The following RBMS3 variants were observed in gnomAD, a reference collection of about 807,000 sequenced individuals.
The protein encoded by RBMS3 is RNA-binding motif, single-stranded-interacting protein 3.
In RBMS3, 27 loss-of-function variants were observed where a neutral mutation model predicts 66.8. The observed-to-expected ratio is 0.40, with a 90% CI of 0.30 to 0.56. RBMS3 has a LOEUF of 0.56. RBMS3 is among the 20% of genes least tolerant of loss of function. The pLI, the probability that RBMS3 is intolerant of heterozygous loss-of-function variation, is 0.40. For missense variants in RBMS3, 513 were observed against 549.5 expected, an observed-to-expected ratio of 0.93 and a Z score of 0.66; for synonymous variants, 188 against 183.0, an observed-to-expected ratio of 1.03 and a Z score of -0.22.
intron 3 of RBMS3, among the ~76,000 whole-genome samples, chr3:29,516,340 G>A (rs375241044): frequency 6.6e-6 from 1 of 152,182 alleles, no homozygotes; most frequent in South Asian, 2.1e-4. Context: ...AGGAGATGAC[G>A]ATCTGAGTGT....
chr3:29,998,825 A>C (rs1577357106), intron 14 of RBMS3, among the ~76,000 whole-genome samples: 1 of 152,344 alleles, frequency 6.6e-6, no homozygotes, highest in African/African-American at 2.4e-5. Context: ...CTCTAGAAGA[A>C]AACCTGGGCA....
intron 1 of RBMS3, among the ~76,000 whole-genome samples, chr3:29,345,610 C>T (rs1161812040): frequency 2.6e-5 from 4 of 152,156 alleles, no homozygotes; most frequent in Non-Finnish European, 5.9e-5. Flanking sequence ...ATTTTACTTG[C>T]CTTGCATGTA....
intron 6 of RBMS3, among the ~76,000 whole-genome samples, chr3:29,820,392 G>A (rs534901974): frequency 3.3e-5 from 5 of 151,634 alleles, no homozygotes; most frequent in African/African-American, 1.2e-4. Context: ...TGATAGATTT[G>A]ATCTATTAAT....
chr3:29,980,743 G>A (rs1018687989), intron 12 of RBMS3, among the ~76,000 whole-genome samples: 6 of 152,114 alleles, frequency 3.9e-5, no homozygotes, highest in African/African-American at 9.7e-5. Context: ...GATGGTTGTA[G>A]ATGTATGGCA....
At chr3:29,901,145 A>T (rs1392196258) in intron 10 of RBMS3, among the ~76,000 whole-genome samples, 1 of 151,730 alleles carries the variant, frequency 6.6e-6, no homozygotes, top group African/African-American at 2.4e-5. Flanking sequence ...TCTATGTTCT[A>T]TAAATCATAC....
intron 4 of RBMS3, among the ~76,000 whole-genome samples, chr3:29,608,671 G>T (rs2048391811): frequency 6.6e-6 from 1 of 151,982 alleles, no homozygotes; most frequent in African/African-American, 2.4e-5. Flanking sequence ...GATGAGAGAA[G>T]AATATAGTCA....
In RBMS3 at chr3:29,470,372, T is replaced by C. The variant is rs146185846; in HGVS notation, c.249-18069T>C. On this transcript the variant is annotated intron_variant, in intron 2 of 14. Coordinates refer to ENST00000383767, the MANE Select transcript of RBMS3 (RefSeq NM_001003793.3). Reference sequence around the variant, plus strand: ...ACTCAAAAGAAGTCTTCAGAAGACATGTCACTTCTTACATGTAGTGAATGA... The same window carrying C: ...ACTCAAAAGAAGTCTTCAGAAGACACGTCACTTCTTACATGTAGTGAATGA... Among the ~76,000 whole-genome samples the C allele has an allele frequency of 4.9e-3, 742 of 152,160 alleles. 5 individuals carry two copies. The highest frequency in any genetic ancestry group is 0.017 in the African/African-American group (714 of 41,568).
chr3:29,476,689 T>C (rs907973643), intron 2 of RBMS3, among the ~76,000 whole-genome samples: 1 of 152,200 alleles, frequency 6.6e-6, no homozygotes, highest in Non-Finnish European at 1.5e-5. Flanking sequence ...AAAACAGAGT[T>C]ATTTTGAATT....
intron 1 of RBMS3, among the ~76,000 whole-genome samples, chr3:29,323,567 G>A (rs1156251432): frequency 6.6e-6 from 1 of 151,936 alleles, no homozygotes; most frequent in Non-Finnish European, 1.5e-5. Context: ...AAAATTAACA[G>A]TAGAAAGAAA....
intron 12 of RBMS3, among the ~76,000 whole-genome samples, chr3:29,944,836 C>CA (rs992983175): frequency 6.6e-6 from 1 of 151,622 alleles, no homozygotes; most frequent in Admixed American, 6.6e-5. Flanking sequence ...TCTATTTATA[C>CA]AAAAAAGTGG....
intron 2 of RBMS3, among the ~76,000 whole-genome samples, chr3:29,462,415 C>T (rs1301577021): frequency 6.6e-6 from 1 of 152,152 alleles, no homozygotes; most frequent in East Asian, 1.9e-4. Flanking sequence ...CCTCCTAATT[C>T]AATGATGTAT....
intron 6 of RBMS3, among the ~76,000 whole-genome samples, chr3:29,852,743 C>A (rs1422503695): frequency 3.9e-5 from 6 of 152,158 alleles, no homozygotes; most frequent in Non-Finnish European, 7.4e-5. Flanking sequence ...TTGTGGAAAA[C>A]AGTGTGGCAA....
intron 6 of RBMS3, chr3:29,767,586 G>A (rs768362352): frequency 6.6e-6 from 1 of 151,882 alleles, no homozygotes; most frequent in Admixed American, 6.6e-5. Flanking sequence ...TTGATGCTTT[G>A]ACATAGTAAT....
At chr3:29,885,866 C>T (rs940692638) in intron 8 of RBMS3, among the ~76,000 whole-genome samples, 1 of 151,636 alleles carries the variant, frequency 6.6e-6, no homozygotes, top group Non-Finnish European at 1.5e-5. Flanking sequence ...CCTTGTTGCC[C>T]AAGGCTCTAT....
At chr3:29,765,534 T>C (rs566596022) in intron 6 of RBMS3, among the ~76,000 whole-genome samples, 1 of 152,150 alleles carries the variant, frequency 6.6e-6, no homozygotes, top group African/African-American at 2.4e-5. Flanking sequence ...CTCAGTGTTC[T>C]GCCTTATCAA....
intron 4 of RBMS3, among the ~76,000 whole-genome samples, chr3:29,680,880 G>A (rs1024776122): frequency 6.6e-6 from 1 of 152,158 alleles, no homozygotes; most frequent in Non-Finnish European, 1.5e-5. Context: ...TGAAATACAG[G>A]AATCTTAAGT....
chr3:29,386,238 G>A (rs1191109392), intron 1 of RBMS3, among the ~76,000 whole-genome samples: 1 of 152,012 alleles, frequency 6.6e-6, no homozygotes, highest in South Asian at 2.1e-4. Context: ...CTTACCTTAA[G>A]TGGGTTCTCG....
intron 1 of RBMS3, among the ~76,000 whole-genome samples, chr3:29,297,315 G>T (rs555563924): frequency 1.3e-4 from 20 of 151,884 alleles, no homozygotes; most frequent in African/African-American, 4.8e-4. Context: ...ATATTATGAA[G>T]GTGATAAAAT....
intron 4 of RBMS3, among the ~76,000 whole-genome samples, chr3:29,722,616 C>T (rs868628905): frequency 6.6e-6 from 1 of 152,034 alleles, no homozygotes; most frequent in Non-Finnish European, 1.5e-5. Flanking sequence ...ATTCGTAAGT[C>T]TCTCAGTGTC....
Sources: allele counts gnomAD v4.1 joint callset (sites outside exome capture counted in the v4.1 genomes callset), GRCh38; gene constraint gnomAD v4.1.1; transcripts MANE v1.5; gene names NCBI Gene and HGNC (gene_info 2026-07-23, HGNC 2026-07-21).